The following MON2 variants were observed in gnomAD, a reference collection of about 807,000 sequenced individuals.
MON2 encodes the protein MON2 regulator of endosome-to-Golgi trafficking.
A neutral mutation model predicts 208.6 loss-of-function variants in MON2; 84 were observed. That is an observed-to-expected ratio of 0.40 (90% CI 0.34 to 0.48). The LOEUF (loss-of-function observed/expected upper bound fraction) is 0.48, where lower values mean the gene tolerates loss of function less well. Ranked by LOEUF, MON2 falls within the 20% of genes least tolerant of loss-of-function variation. MON2 has a pLI of 0.59. For synonymous variants in MON2, 660 were observed against 694.0 expected (o/e 0.95, Z 0.77); for missense variants, 1,611 against 2,015.4 (o/e 0.80, Z 3.84).
intron 7 of MON2, among the ~76,000 whole-genome samples, chr12:62,505,223 A>G (rs2071038239): frequency 6.6e-6 from 1 of 152,218 alleles, no homozygotes; most frequent in African/African-American, 2.4e-5. Flanking sequence ...ATCACAAAGG[A>G]CACATTATTC....
chr12:62,556,003 C>A lies in MON2; in HGVS notation c.3220C>A (p.His1074Asn). 6.2e-7 allele frequency: 1 copy of A among 1,607,410 alleles called. No homozygotes were observed. Among genetic ancestry groups the A allele is most frequent in the African/African-American group, 1.3e-5 (1 of 74,746 alleles). Reference protein sequence around the residue: ...WHTVIWKVLFHLLDRVRESST... With the variant: ...WHTVIWKVLFNLLDRVRESST... ...TTTAATAAATATTTAGGTACTCTTT[C>A]ATCTACTGGACAGAGTTCGAGAGTC... The change falls in exon 25 of 35, where the codon CAT (histidine) becomes AAT (asparagine). Residue 1074 changes from histidine (H) to asparagine (N), a missense_variant. Physicochemically the swap from His to Asn is moderately conservative, Grantham distance 68. Coordinates refer to ENST00000393630, the MANE Select transcript of MON2 (RefSeq NM_015026.3).
chr12:62,493,770 T>C, intron 2 of MON2, 145 bp from the exon 3 acceptor site: 1 of 536,530 alleles, frequency 1.9e-6, no homozygotes, highest in Non-Finnish European at 3.1e-6. Flanking sequence ...ATTTTAACTC[T>C]TGGTACTTGA....
At chr12:62,566,054 G>C (rs1283532114) in intron 28 of MON2, 23 bp downstream of exon 28, 1 of 1,604,320 alleles carries the variant, frequency 6.2e-7, no homozygotes, top group Non-Finnish European at 8.5e-7. Context: ...TCCTAAAATT[G>C]TCCTAACCTC....
intron 2 of MON2, among the ~76,000 whole-genome samples, chr12:62,485,279 T>G (rs986775981): frequency 1.3e-5 from 2 of 152,222 alleles, no homozygotes; most frequent in Non-Finnish European, 2.9e-5. Flanking sequence ...AGGAAAGTAG[T>G]CCTATTAAAT....
chr12:62,490,628 TATG>T (rs1205456944), intron 2 of MON2, among the ~76,000 whole-genome samples: 1 of 152,140 alleles, frequency 6.6e-6, no homozygotes, highest in African/African-American at 2.4e-5. Flanking sequence ...CTTACTGAAT[TATG>T]ATCTCAATAC....
At chr12:62,581,370 A>G (rs2074998209) in intron 32 of MON2, among the ~76,000 whole-genome samples, 1 of 151,930 alleles carries the variant, frequency 6.6e-6, no homozygotes, top group Admixed American at 6.6e-5. Context: ...TGGGCAGCAC[A>G]GTGAGACTGC....
chr12:62,515,033 TGGTG>T (rs1443955237), intron 8 of MON2, among the ~76,000 whole-genome samples: 2 of 152,174 alleles, frequency 1.3e-5, no homozygotes, highest in Admixed American at 6.5e-5. Flanking sequence ...TGTGCACTGT[TGGTG>T]GGAATATAAA....
At chr12:62,584,433 A>G (rs1265169336) in intron 32 of MON2, among the ~76,000 whole-genome samples, 2 of 152,132 alleles carry the variant, frequency 1.3e-5, no homozygotes, top group Non-Finnish European at 2.9e-5. Context: ...GCTGGGTGCC[A>G]TGGCTCACGC....
intron 25 of MON2, among the ~76,000 whole-genome samples, chr12:62,558,689 AT>A (rs35839265): frequency 0.05 from 6,893 of 137,970 alleles, 149 homozygotes; most frequent in Middle Eastern, 0.075. Flanking sequence ...TTATACCTCA[AT>A]TTTTTTTTTT....
chr12:62,559,085 C>T (rs1455614082), intron 25 of MON2, among the ~76,000 whole-genome samples: 2 of 152,058 alleles, frequency 1.3e-5, no homozygotes, highest in Admixed American at 1.3e-4. Flanking sequence ...CAGATAGTAC[C>T]TATTGTTTTA....
intron 8 of MON2, among the ~76,000 whole-genome samples, chr12:62,517,360 G>A (rs2071754740): frequency 6.6e-6 from 1 of 152,054 alleles, no homozygotes; most frequent in African/African-American, 2.4e-5. Context: ...TTGCTAACCA[G>A]GACCTCCCAA....
At chr12:62,513,245 G>C (rs1222607958) in intron 8 of MON2, among the ~76,000 whole-genome samples, 1 of 152,068 alleles carries the variant, frequency 6.6e-6, no homozygotes. Flanking sequence ...TGCGGGGGAG[G>C]GATGGAGTCT....
chr12:62,480,916 C>T (rs377055979), intron 1 of MON2, among the ~76,000 whole-genome samples: 10 of 152,112 alleles, frequency 6.6e-5, no homozygotes, highest in Non-Finnish European at 1.3e-4. Context: ...AAGTTAAACT[C>T]GAAAATGATG....
chr12:62,512,837 T>C (rs2071482584), intron 8 of MON2, among the ~76,000 whole-genome samples: 2 of 152,214 alleles, frequency 1.3e-5, no homozygotes, highest in South Asian at 2.1e-4. Flanking sequence ...GATGTTTCCA[T>C]ACATCTTCTG....
At chr12:62,591,392 C>T (rs1325464837) in intron 34 of MON2, among the ~76,000 whole-genome samples, 1 of 152,114 alleles carries the variant, frequency 6.6e-6, no homozygotes, top group Non-Finnish European at 1.5e-5. Context: ...GTTAAATTAA[C>T]AGTATAGCAT....
At chr12:62,566,093 G>A (rs970575065) in intron 28 of MON2, 62 bp downstream of exon 28, 41 of 1,523,532 alleles carry the variant, frequency 2.7e-5, no homozygotes, top group Non-Finnish European at 3.6e-5. Flanking sequence ...CATCTTTCCC[G>A]GTTCTTGGTA....
intron 8 of MON2, among the ~76,000 whole-genome samples, chr12:62,518,429 T>A (rs1040407721): frequency 7.2e-5 from 11 of 152,220 alleles, no homozygotes; most frequent in African/African-American, 2.7e-4. Context: ...ATGATGCAGT[T>A]TATAAGCTGC....
chr12:62,565,973 T>C, intron 27 of MON2, 41 bp from the exon 28 acceptor site: 1 of 1,576,438 alleles, frequency 6.3e-7, no homozygotes, highest in Admixed American at 1.8e-5. Flanking sequence ...TATTAACTTT[T>C]CTCATTCTAT....
intron 29 of MON2, among the ~76,000 whole-genome samples, chr12:62,568,810 G>T (rs1429868300): frequency 6.6e-6 from 1 of 151,904 alleles, no homozygotes; most frequent in East Asian, 1.9e-4. Context: ...ACACCACCAC[G>T]CATGGCTAAT....
Sources: gnomAD v4.1 joint callset for allele counts (sites outside exome capture counted in the v4.1 genomes callset) on GRCh38, gnomAD v4.1.1 for gene constraint, MANE v1.5 for transcripts, NCBI Gene and HGNC (gene_info 2026-07-23, HGNC 2026-07-21) for gene names.